Variants in RSRC1 observed in about 807,000 individuals in gnomAD.
The protein encoded by RSRC1 is serine/Arginine-related protein 53.
RSRC1 carries 39 observed loss-of-function variants against 49.1 expected under a neutral mutation model. That is an observed-to-expected ratio of 0.79 (90% CI 0.61 to 1.04). The LOEUF (loss-of-function observed/expected upper bound fraction) is 1.04, where lower values mean the gene tolerates loss of function less well. RSRC1 is among the 50% of genes least tolerant of loss of function. The pLI, the probability that RSRC1 is intolerant of heterozygous loss-of-function variation, is 0.00. For missense variants in RSRC1, 388 were observed against 402.4 expected (o/e 0.96, Z 0.31); for synonymous variants, 143 against 130.8 (o/e 1.09, Z -0.63).
At chr3:158,217,659 A>G (rs763823634) in intron 4 of RSRC1, among the ~76,000 whole-genome samples, 2 of 150,960 alleles carry the variant, frequency 1.3e-5, no homozygotes, top group African/African-American at 2.4e-5. Flanking sequence ...TCATTTATTC[A>G]TCAAATGCCA....
chr3:158,451,753 T>C (rs924956516), intron 6 of RSRC1, among the ~76,000 whole-genome samples: 1 of 152,082 alleles, frequency 6.6e-6, no homozygotes, highest in African/African-American at 2.4e-5. Flanking sequence ...TGAAGCATGG[T>C]AATATAACAT....
chr3:158,210,573 A>T (rs1721620601), intron 4 of RSRC1, among the ~76,000 whole-genome samples: 1 of 152,012 alleles, frequency 6.6e-6, no homozygotes. Context: ...TTTAAATTAA[A>T]GTTTTTACAG....
intron 3 of RSRC1, among the ~76,000 whole-genome samples, chr3:158,200,063 A>C (rs908286886): frequency 6.6e-6 from 1 of 151,534 alleles, no homozygotes; most frequent in African/African-American, 2.4e-5. Flanking sequence ...TTTGAGACGG[A>C]GTCTTGTTCT....
chr3:158,195,313 T>A (rs1720521950), intron 3 of RSRC1, among the ~76,000 whole-genome samples: 1 of 151,214 alleles, frequency 6.6e-6, no homozygotes, highest in Admixed American at 6.6e-5. Context: ...GAAGTGTCTG[T>A]TCATATCCTT....
At chr3:158,144,043 A>C (rs116399831) in intron 3 of RSRC1, among the ~76,000 whole-genome samples, 1,832 of 152,350 alleles carry the variant, frequency 0.012, 41 homozygotes, top group African/African-American at 0.042. Flanking sequence ...AAAGTCCATC[A>C]AAGGACATTA....
chr3:158,375,431 G>T (rs1560016269), intron 6 of RSRC1, among the ~76,000 whole-genome samples: 2 of 151,082 alleles, frequency 1.3e-5, no homozygotes, highest in Non-Finnish European at 2.9e-5. Context: ...CAAACTCCTG[G>T]ACTCCAGTAA....
At chr3:158,232,786 TAACC>T (rs1442373055) in intron 4 of RSRC1, among the ~76,000 whole-genome samples, 1 of 152,102 alleles carries the variant, frequency 6.6e-6, no homozygotes, top group African/African-American at 2.4e-5. Context: ...GATCTACTCA[TAACC>T]AAGTAATCAC....
chr3:158,320,618 C>T (rs1316060521), intron 5 of RSRC1, among the ~76,000 whole-genome samples: 1 of 152,104 alleles, frequency 6.6e-6, no homozygotes, highest in Non-Finnish European at 1.5e-5. Flanking sequence ...CCTGGCTGAT[C>T]ATCAGGACCA....
intron 4 of RSRC1, among the ~76,000 whole-genome samples, chr3:158,223,059 A>G (rs1380903320): frequency 6.6e-6 from 1 of 151,712 alleles, no homozygotes; most frequent in African/African-American, 2.4e-5. Flanking sequence ...TCCATTGTCA[A>G]GTGACTTCTA....
intron 2 of RSRC1, 135 bp from the exon 3 acceptor site, chr3:158,123,731 A>G: frequency 2.7e-6 from 2 of 739,834 alleles, no homozygotes; most frequent in Non-Finnish European, 4.2e-6. Flanking sequence ...ATAACATTTT[A>G]ATTTATCTCT....
At chr3:158,406,094 G>C (rs1734150092) in intron 6 of RSRC1, among the ~76,000 whole-genome samples, 1 of 151,964 alleles carries the variant, frequency 6.6e-6, no homozygotes, top group African/African-American at 2.4e-5. Context: ...AACAGAAGAA[G>C]ACATTTTGAA....
Position 158,424,864 on chromosome 3 carries a change from C to A in RSRC1, c.584-36071C>A, listed in dbSNP as rs1186653292. Among the ~76,000 whole-genome samples the A allele has an allele frequency of 3.3e-5, 5 of 152,038 alleles. No homozygotes were observed. The South Asian group carries it at 1.0e-3, about 32-fold the overall frequency. Reference sequence around the variant, plus strand: ...TCTTCTAGATTTTCTAGTTTATTTGCGTAGACGTGTTTGTAGTATTCTCTG... The same window carrying A: ...TCTTCTAGATTTTCTAGTTTATTTGAGTAGACGTGTTTGTAGTATTCTCTG... On this transcript the variant is annotated intron_variant, in intron 6 of 9. Coordinates refer to ENST00000611884, the MANE Select transcript of RSRC1 (RefSeq NM_001271838.2).
chr3:158,304,600 T>C (rs1727739867), intron 5 of RSRC1, among the ~76,000 whole-genome samples: 1 of 152,154 alleles, frequency 6.6e-6, no homozygotes, highest in Non-Finnish European at 1.5e-5. Flanking sequence ...AATGCACTGA[T>C]GTTACCTATA....
intron 6 of RSRC1, among the ~76,000 whole-genome samples, chr3:158,453,144 T>G (rs1407978910): frequency 6.6e-6 from 1 of 152,178 alleles, no homozygotes; most frequent in African/African-American, 2.4e-5. Context: ...CTTCCATATT[T>G]AGGTTGTTTG....
chr3:158,113,371 C>CTTT lies in RSRC1; in HGVS notation c.-3+3161_-3+3163dup, dbSNP rs34005788. Among the ~76,000 whole-genome samples, 75 of 138,578 alleles carry CTTT rather than the reference C, an allele frequency of 5.4e-4. 1 individual carries two copies. The highest frequency in any genetic ancestry group is 2.9e-3 in the East Asian group (14 of 4,766). The allele number at this position is 138,578 out of a possible 152,430, so 90.9% of individuals were successfully genotyped here. A position where few individuals can be genotyped will look rare whatever the true frequency, so the allele number is the denominator to read the frequency against. The stretch of plus-strand genomic sequence containing the variant: ...CTTGCCAGCATCTGTTGTTTTTTGA[C>CTTT]TTTTTTTTTTTTTTTGAGACGGGAG... On this transcript the variant is annotated intron_variant, in intron 1 of 9. Coordinates refer to ENST00000611884, the MANE Select transcript of RSRC1 (RefSeq NM_001271838.2).
chr3:158,384,321 A>G (rs746582548), intron 6 of RSRC1, among the ~76,000 whole-genome samples: 2 of 152,182 alleles, frequency 1.3e-5, no homozygotes, highest in Non-Finnish European at 2.9e-5. Context: ...GTCATGAGAT[A>G]TAGTGGTAAG....
chr3:158,218,768 G>A (rs1309437504), intron 4 of RSRC1, among the ~76,000 whole-genome samples: 1 of 151,550 alleles, frequency 6.6e-6, no homozygotes, highest in Non-Finnish European at 1.5e-5. Context: ...CTTCCATATG[G>A]CAAGATTAAA....
chr3:158,448,296 G>A (rs1328419216), intron 6 of RSRC1, among the ~76,000 whole-genome samples: 1 of 151,774 alleles, frequency 6.6e-6, no homozygotes, highest in Admixed American at 6.6e-5. Context: ...TGTTGTTATT[G>A]GATGTTTTCA....
intron 4 of RSRC1, among the ~76,000 whole-genome samples, chr3:158,292,169 CT>C (rs1726972032): frequency 6.6e-6 from 1 of 152,132 alleles, no homozygotes; most frequent in Non-Finnish European, 1.5e-5. Context: ...GCTTTAGAGC[CT>C]TGTGTTATGC....
Sources: gnomAD v4.1 joint callset for allele counts (sites outside exome capture counted in the v4.1 genomes callset) on GRCh38, gnomAD v4.1.1 for gene constraint, MANE v1.5 for transcripts, NCBI Gene and HGNC (gene_info 2026-07-23, HGNC 2026-07-21) for gene names.